Variants in CDH12 observed in about 807,000 individuals in gnomAD.
CDH12 encodes cadherin-12.
Under a neutral mutation model 74.1 loss-of-function variants are expected in CDH12, and 41 were observed. The ratio of observed to expected loss-of-function variants is 0.55; its 90% CI spans 0.43 to 0.72. CDH12 has a LOEUF of 0.72. CDH12 is among the 30% of genes least tolerant of loss of function. The pLI is 0.00. For synonymous variants in CDH12, 399 were observed against 355.0 expected, an observed-to-expected ratio of 1.12 and a Z score of -1.39; for missense variants, 945 against 977.2, an observed-to-expected ratio of 0.97 and a Z score of 0.44.
intron 6 of CDH12, among the ~76,000 whole-genome samples, chr5:21,966,651 C>A (rs1268519256): frequency 6.6e-6 from 1 of 152,124 alleles, no homozygotes; most frequent in South Asian, 2.1e-4. Flanking sequence ...CAGTACTACA[C>A]AATTTGGAAA....
chr5:22,601,042 A>G (rs2126812193), intron 1 of CDH12, among the ~76,000 whole-genome samples: 1 of 152,224 alleles, frequency 6.6e-6, no homozygotes, highest in Admixed American at 6.6e-5. Flanking sequence ...TGCACACTTG[A>G]CATTGTGCCA....
At position 22,626,213 on chromosome 5, in the gene CDH12, T is replaced by C. The variant is rs140832058; in HGVS notation, c.-522-120849A>G. ...CATGTGCATGAAGGCCTCTGCCCCA[T>C]TCCTGCCAGTGCCCTGCCCCCAGCT... On this transcript the variant is annotated intron_variant, in intron 1 of 14. Transcript: ENST00000382254. Among the ~76,000 whole-genome samples the C allele has an allele frequency of 3.6e-3, 548 of 152,272 alleles. 1 individual carries two copies. The highest frequency in any genetic ancestry group is 0.01 in the African/African-American group (421 of 41,564).
intron 3 of CDH12, among the ~76,000 whole-genome samples, chr5:22,330,470 G>C (rs751676891): frequency 1.3e-5 from 2 of 151,988 alleles, no homozygotes; most frequent in Non-Finnish European, 2.9e-5. Context: ...AGAAAAGCAG[G>C]GGCCAAGCGT....
At chr5:22,352,566 G>C (rs556021380) in intron 3 of CDH12, among the ~76,000 whole-genome samples, 3 of 152,220 alleles carry the variant, frequency 2.0e-5, no homozygotes, top group African/African-American at 4.8e-5. Context: ...AAATAGGAGA[G>C]AGAGACAACG....
At chr5:22,569,986 A>T (rs1261533023) in intron 1 of CDH12, among the ~76,000 whole-genome samples, 1 of 152,192 alleles carries the variant, frequency 6.6e-6, no homozygotes, top group Non-Finnish European at 1.5e-5. Flanking sequence ...GATCCATCAT[A>T]GGGATTAGTA....
At chr5:21,889,529 G>A (rs1752800690) in intron 6 of CDH12, 1 of 918,046 alleles carries the variant, frequency 1.1e-6, no homozygotes. Flanking sequence ...CCAATGTTCT[G>A]AAGCTAGACT....
chr5:21,941,774 C>A (rs1755340352), intron 6 of CDH12, among the ~76,000 whole-genome samples: 2 of 151,526 alleles, frequency 1.3e-5, no homozygotes, highest in African/African-American at 4.9e-5. Context: ...ATGTACCCAT[C>A]TTTAAGTTTT....
chr5:22,281,479 T>G (rs967646348), intron 3 of CDH12, among the ~76,000 whole-genome samples: 2 of 152,164 alleles, frequency 1.3e-5, no homozygotes. Flanking sequence ...GAAAACCCCA[T>G]TGTCTCAGCC....
chr5:21,832,878 T>TTATA (rs1749127034), intron 8 of CDH12, among the ~76,000 whole-genome samples: 2 of 55,840 alleles, frequency 3.6e-5, no homozygotes, highest in African/African-American at 3.1e-4. Flanking sequence ...TGATATATGA[T>TTATA]ATAATATTAA....
chr5:21,913,594 T>C (rs1458103287), intron 6 of CDH12, among the ~76,000 whole-genome samples: 1 of 152,140 alleles, frequency 6.6e-6, no homozygotes, highest in Non-Finnish European at 1.5e-5. Flanking sequence ...ATTTTTAACA[T>C]TAATCACACA....
At chr5:22,616,745 T>C (rs896559999) in intron 1 of CDH12, among the ~76,000 whole-genome samples, 1 of 152,056 alleles carries the variant, frequency 6.6e-6, no homozygotes, top group African/African-American at 2.4e-5. Flanking sequence ...AATGTCTGTG[T>C]CCTTCTAAAA....
intron 5 of CDH12, among the ~76,000 whole-genome samples, chr5:22,062,110 T>C (rs186546467): frequency 1.3e-5 from 2 of 152,278 alleles, no homozygotes; most frequent in Admixed American, 1.3e-4. Flanking sequence ...TCGTTACTTT[T>C]GAAATACTGG....
chr5:21,976,967 G>T (rs1351914021), intron 5 of CDH12, among the ~76,000 whole-genome samples: 10 of 152,030 alleles, frequency 6.6e-5, no homozygotes, highest in South Asian at 4.2e-4. Flanking sequence ...CTACATCTTT[G>T]CTCTTAAGCT....
At chr5:22,694,586 G>C (rs959689322) in intron 1 of CDH12, among the ~76,000 whole-genome samples, 1 of 151,820 alleles carries the variant, frequency 6.6e-6, no homozygotes, top group Non-Finnish European at 1.5e-5. Flanking sequence ...TTTTACAAGA[G>C]TATTTCTATT....
At chr5:22,179,290 T>C (rs1388676471) in intron 4 of CDH12, among the ~76,000 whole-genome samples, 1 of 152,172 alleles carries the variant, frequency 6.6e-6, no homozygotes, top group Admixed American at 6.5e-5. Flanking sequence ...TGATTATTTG[T>C]GTTGTTATCA....
chr5:22,439,321 A>C (rs555670374), intron 2 of CDH12, among the ~76,000 whole-genome samples: 5 of 152,100 alleles, frequency 3.3e-5, no homozygotes, highest in Non-Finnish European at 5.9e-5. Context: ...AAAAAATAAC[A>C]TTAAAATGTA....
At chr5:22,581,612 A>C (rs536099961) in intron 1 of CDH12, among the ~76,000 whole-genome samples, 3 of 152,180 alleles carry the variant, frequency 2.0e-5, no homozygotes, top group Non-Finnish European at 4.4e-5. Flanking sequence ...CAGAGTACCT[A>C]CTGGGACACT....
intron 6 of CDH12, among the ~76,000 whole-genome samples, chr5:21,863,225 A>G (rs565306273): frequency 1.3e-5 from 2 of 152,072 alleles, no homozygotes; most frequent in Non-Finnish European, 2.9e-5. Flanking sequence ...TTTACTGTTT[A>G]TGATGAGGCT....
At chr5:22,337,064 G>A (rs1001384228) in intron 3 of CDH12, among the ~76,000 whole-genome samples, 1 of 152,222 alleles carries the variant, frequency 6.6e-6, no homozygotes, top group African/African-American at 2.4e-5. Flanking sequence ...AGTCAAAGGA[G>A]ATCATTTTGG....
Sources: gnomAD v4.1 joint callset for allele counts (sites outside exome capture counted in the v4.1 genomes callset) on GRCh38, gnomAD v4.1.1 for gene constraint, MANE v1.5 for transcripts, NCBI Gene and HGNC (gene_info 2026-07-23, HGNC 2026-07-21) for gene names.